Variants in FMN2 observed in about 807,000 individuals in gnomAD.
FMN2 encodes formin-2.
Under a neutral mutation model 142.3 loss-of-function variants are expected in FMN2, and 51 were observed. The observed-to-expected ratio is 0.36, with a 90% confidence interval of 0.29 to 0.45. FMN2 has a LOEUF of 0.45. Ranked by LOEUF, FMN2 falls within the 20% of genes least tolerant of loss-of-function variation. FMN2 has a pLI of 1.00. For synonymous variants in FMN2, 882 were observed against 869.8 expected, an observed-to-expected ratio of 1.01 and a Z score of -0.25; for missense variants, 1,936 against 2,122.8, an observed-to-expected ratio of 0.91 and a Z score of 1.73.
Position 240,265,151 on chromosome 1 carries a change from G to C in FMN2, c.4153+7119G>C, listed in dbSNP as rs569394175. On this transcript the variant is annotated intron_variant, in intron 7 of 17. Coordinates refer to ENST00000319653, the MANE Select transcript of FMN2 (RefSeq NM_020066.5). ...CTGGCAAACAGGCATACTACTTTTG[G>C]CTACCAGTTGTTTCATTTTTACAGT... 3.3e-5 allele frequency among the ~76,000 whole-genome samples: 5 copies of C among 152,202 alleles called. No individual in the cohort carries two copies. The South Asian group carries it at 1.0e-3, about 32-fold the overall frequency.
At chr1:240,294,988 A>G (rs1669917217) in intron 8 of FMN2, 105 bp downstream of exon 8, 1 of 982,556 alleles carries the variant, frequency 1.0e-6, no homozygotes, top group South Asian at 1.8e-5. Flanking sequence ...AAGAAATTTG[A>G]TCCGAGTGTA....
intron 2 of FMN2, chr1:240,145,284 T>C: frequency 7.0e-7 from 1 of 1,422,144 alleles, no homozygotes; most frequent in East Asian, 2.4e-5. Flanking sequence ...CGCCGCTCCT[T>C]GCCGCTTGGC....
chr1:240,141,633 G>A (rs1663188511), intron 2 of FMN2, among the ~76,000 whole-genome samples: 1 of 152,150 alleles, frequency 6.6e-6, no homozygotes, highest in African/African-American at 2.4e-5. Flanking sequence ...ACCTCCCGAA[G>A]TGCTGGGATT....
At chr1:240,203,768 A>G (rs983601668) in intron 4 of FMN2, among the ~76,000 whole-genome samples, 20 of 152,174 alleles carry the variant, frequency 1.3e-4, no homozygotes, top group Non-Finnish European at 1.5e-5. Flanking sequence ...ACGTTGACCT[A>G]TGGAACAAAC....
chr1:240,158,673 A>G (rs1664135915), intron 2 of FMN2, among the ~76,000 whole-genome samples: 1 of 152,152 alleles, frequency 6.6e-6, no homozygotes, highest in Admixed American at 6.5e-5. Context: ...TATTGTTAGT[A>G]TGTTACTGAC....
chr1:240,141,729 C>T (rs1333678977), intron 2 of FMN2, among the ~76,000 whole-genome samples: 3 of 152,052 alleles, frequency 2.0e-5, no homozygotes, highest in Non-Finnish European at 4.4e-5. Flanking sequence ...TAAGTGTCTC[C>T]TATGTTTGCA....
intron 4 of FMN2, among the ~76,000 whole-genome samples, chr1:240,190,985 T>C (rs909649783): frequency 1.3e-5 from 2 of 152,166 alleles, no homozygotes; most frequent in Non-Finnish European, 2.9e-5. Flanking sequence ...CAGTTCTGTA[T>C]CTCTAAATGC....
At chr1:240,105,966 T>C (rs2103185019) in intron 1 of FMN2, among the ~76,000 whole-genome samples, 1 of 152,326 alleles carries the variant, frequency 6.6e-6, no homozygotes, top group East Asian at 1.9e-4. Flanking sequence ...TAAGTTTTTG[T>C]GGATTTCCAT....
At position 240,093,684 on chromosome 1, in the gene FMN2, G is replaced by A. The variant is rs757843207; in HGVS notation, c.1575G>A (p.Gly525=). 9.6e-6 allele frequency: 13 copies of A among 1,354,700 alleles called. No individual in the cohort carries two copies. The highest frequency in any genetic ancestry group is 9.4e-7 in the Non-Finnish European group (1 of 1,059,586). The allele number at this position is 1,354,700 out of a possible 1,614,324, so 83.9% of individuals were successfully genotyped here. Residue 525 remains glycine (G), a synonymous_variant, in exon 1 of 18, where the codon GGG becomes GGA. Coordinates refer to ENST00000319653, the MANE Select transcript of FMN2 (RefSeq NM_020066.5). The stretch of plus-strand genomic sequence containing the variant: ...CAGCACTGGCCGCCAAGGCGTCTGG[G>A]GCCCCCGCGGCTGCGGATGGCTTCC... ...VSPALAAKAS[G]APAAADGFQN...
At chr1:240,161,164 A>T (rs1664260153) in intron 2 of FMN2, among the ~76,000 whole-genome samples, 1 of 152,154 alleles carries the variant, frequency 6.6e-6, no homozygotes, top group Non-Finnish European at 1.5e-5. Flanking sequence ...ATGCAATTCT[A>T]ATCAATGTCT....
intron 15 of FMN2, among the ~76,000 whole-genome samples, chr1:240,425,337 G>A (rs936038024): frequency 2.0e-5 from 3 of 151,936 alleles, no homozygotes; most frequent in Admixed American, 6.6e-5. Flanking sequence ...GCGAAAACTC[G>A]GTAGGTAAAG....
At chr1:240,175,451 C>T (rs1391509421) in intron 2 of FMN2, among the ~76,000 whole-genome samples, 2 of 152,146 alleles carry the variant, frequency 1.3e-5, no homozygotes, top group African/African-American at 2.4e-5. Flanking sequence ...ACTAATAGTA[C>T]ACAATGCTTT....
At chr1:240,433,074 G>A (rs1206530725) in intron 15 of FMN2, among the ~76,000 whole-genome samples, 2 of 152,106 alleles carry the variant, frequency 1.3e-5, no homozygotes, top group East Asian at 1.9e-4. Context: ...TATCCAATTC[G>A]ATGATGATTT....
intron 2 of FMN2, among the ~76,000 whole-genome samples, chr1:240,158,420 A>G (rs758897445): frequency 1.3e-5 from 2 of 152,194 alleles, no homozygotes; most frequent in Non-Finnish European, 2.9e-5. Flanking sequence ...ATTCTTATCA[A>G]TGCCACAAGG....
Position 240,281,419 on chromosome 1 carries a change from A to G in FMN2, c.4154-13403A>G, listed in dbSNP as rs961284451. ...GGACATATGGTATTTTAACTGTTTGATAACAAGGTGTAAACTCTACTAGGG... is the reference window on the plus strand; with the variant it reads ...GGACATATGGTATTTTAACTGTTTGGTAACAAGGTGTAAACTCTACTAGGG... On this transcript the variant is annotated intron_variant, in intron 7 of 17. Transcript: ENST00000319653. 4.6e-5 allele frequency among the ~76,000 whole-genome samples: 7 copies of G among 152,278 alleles called. No individual in the cohort carries two copies. In the South Asian group the frequency reaches 1.4e-3, roughly 32 times the overall value.
chr1:240,169,447 T>G (rs7551112), intron 2 of FMN2, among the ~76,000 whole-genome samples: 49,161 of 151,936 alleles, frequency 0.32, 8,808 homozygotes, highest in African/African-American at 0.49. Flanking sequence ...GGATAGATTT[T>G]ATTTGATTTG....
intron 14 of FMN2, among the ~76,000 whole-genome samples, chr1:240,362,712 A>G (rs12737529): frequency 0.22 from 32,910 of 152,016 alleles, 4,366 homozygotes; most frequent in Middle Eastern, 0.35. Flanking sequence ...CCTTAGTCAT[A>G]TGGTACATTT....
chr1:240,221,619 G>A (rs2103423556), intron 6 of FMN2, among the ~76,000 whole-genome samples: 1 of 152,084 alleles, frequency 6.6e-6, no homozygotes, highest in East Asian at 1.9e-4. Context: ...GATTCTGGTA[G>A]ATTCTGGATA....
chr1:240,314,209 A>G (rs988837731), intron 8 of FMN2, among the ~76,000 whole-genome samples: 2 of 152,178 alleles, frequency 1.3e-5, no homozygotes, highest in Non-Finnish European at 2.9e-5. Context: ...AAAACACATC[A>G]TAAGGCACTT....
Sources: gnomAD v4.1 joint callset for allele counts (sites outside exome capture counted in the v4.1 genomes callset) on GRCh38, gnomAD v4.1.1 for gene constraint, MANE v1.5 for transcripts, NCBI Gene and HGNC (gene_info 2026-07-23, HGNC 2026-07-21) for gene names.